CEMIP2: variants seen among roughly 807,000 people sequenced by gnomAD.
CEMIP2 encodes the protein cell surface hyaluronidase CEMIP2.
In CEMIP2, 79 loss-of-function variants were observed where a neutral mutation model predicts 146.9. The observed-to-expected ratio is 0.54, with a 90% CI of 0.45 to 0.65. The LOEUF is 0.65. Among genes scored for constraint, CEMIP2 ranks in the 30% least tolerant of loss-of-function variants. CEMIP2 has a pLI of 0.00. For synonymous variants in CEMIP2, 601 were observed against 606.3 expected (o/e 0.99, Z 0.13); for missense variants, 1,596 against 1,696.2 (o/e 0.94, Z 1.04).
intron 1 of CEMIP2, among the ~76,000 whole-genome samples, chr9:71,756,214 G>GAT (rs1564027735): frequency 7.0e-6 from 1 of 141,986 alleles, no homozygotes; most frequent in African/African-American, 2.6e-5. Context: ...TAGATAGATA[G>GAT]GCTATATATA....
chr9:71,683,710 G>C lies in CEMIP2; in HGVS notation c.*1487C>G, dbSNP rs905835817. On this transcript the variant is annotated 3_prime_UTR_variant, in exon 24 of 24. Coordinates refer to ENST00000377044, the MANE Select transcript of CEMIP2 (RefSeq NM_013390.3). Reference sequence around the variant, plus strand: ...GCACTTACAATTAGAAAGGTTTATCGGTAGCACTTTGAGGTAGCATATTTT... The same window carrying C: ...GCACTTACAATTAGAAAGGTTTATCCGTAGCACTTTGAGGTAGCATATTTT... 6.6e-6 allele frequency: 1 copy of C among 152,230 alleles called. No individual in the cohort carries two copies. Among genetic ancestry groups the C allele is most frequent in the African/African-American group, 2.4e-5 (1 of 41,270 alleles). 9.4% of individuals were successfully genotyped at this position (152,230 alleles called of 1,614,324 possible).
intron 3 of CEMIP2, 71 bp downstream of exon 3, chr9:71,746,130 T>C (rs1382657375): frequency 1.2e-5 from 19 of 1,552,182 alleles, no homozygotes; most frequent in Non-Finnish European, 1.7e-5. Flanking sequence ...GTCTTCTACA[T>C]AAGGAACATC....
intron 19 of CEMIP2, among the ~76,000 whole-genome samples, chr9:71,698,992 C>A: frequency 6.8e-6 from 1 of 146,014 alleles, no homozygotes; most frequent in African/African-American, 2.5e-5. Context: ...AGGTATAAAT[C>A]AGCTCAAATG....
In CEMIP2 at chr9:71,712,078, C is replaced by T; in HGVS notation, c.2769+5G>A. ...CACTACGTAAGAACTACAGAACATA[C>T]TTACATGTGGACCAAACTTCACGAG... is the stretch of plus-strand genomic sequence containing the variant. On this transcript the variant is annotated splice_donor_5th_base_variant and intron_variant, in intron 16 of 23. Transcript: ENST00000377044. 1.2e-6 allele frequency: 2 copies of T among 1,613,562 alleles called. No homozygotes were observed. The highest frequency in any genetic ancestry group is 1.7e-6 in the Non-Finnish European group (2 of 1,179,770).
At position 71,712,224 on chromosome 9, in the gene CEMIP2, C is replaced by A; in HGVS notation, c.2628G>T (p.Gly876=). 6.2e-7 allele frequency: 1 copy of A among 1,614,042 alleles called. No individual in the cohort carries two copies. The highest frequency in any genetic ancestry group is 2.2e-5 in the East Asian group (1 of 44,876). ...FPIRGFQIYD[G]PIHLTRSTFK... Reference sequence around the variant, plus strand: ...AAGTGCTCCTTGTGAGATGAATGGGCCCATCATAAATCTGAAAGCCTCTAA... The same window carrying A: ...AAGTGCTCCTTGTGAGATGAATGGGACCATCATAAATCTGAAAGCCTCTAA... The change falls in exon 16 of 24, where the codon GGG becomes GGT. Residue 876 remains glycine, a synonymous_variant. Transcript: ENST00000377044.
chr9:71,703,551 G>C (rs1235239056), intron 18 of CEMIP2, among the ~76,000 whole-genome samples: 1 of 152,126 alleles, frequency 6.6e-6, no homozygotes, highest in Non-Finnish European at 1.5e-5. Flanking sequence ...ACAAGTCAGG[G>C]CTTGATGACG....
In CEMIP2 at chr9:71,698,037, T is replaced by C. The variant is rs1822450184; in HGVS notation, c.3545A>G (p.Lys1182Arg). 3 of 1,614,090 alleles carry C rather than the reference T, an allele frequency of 1.9e-6. No homozygotes were observed. Among genetic ancestry groups the C allele is most frequent in the African/African-American group, 2.7e-5 (2 of 74,936 alleles). The change falls in exon 20 of 24, where the codon AAG (lysine) becomes AGG (arginine). Residue 1182 changes from lysine (K) to arginine (R), a missense_variant. Transcript: ENST00000377044. ...PQYYRKPSVV[K>R]RMPAMLTGLC... ...TCCAGTGAGCATGGCCGGCATCCGC[T>C]TGACCACTGACGGCTTTCTGTAGTA... is the stretch of plus-strand genomic sequence containing the variant.
At chr9:71,735,342 C>T (rs911120071) in intron 5 of CEMIP2, among the ~76,000 whole-genome samples, 2 of 152,008 alleles carry the variant, frequency 1.3e-5, no homozygotes, top group East Asian at 1.9e-4. Context: ...ATACTGACCC[C>T]AAACCATCCT....
intron 16 of CEMIP2, among the ~76,000 whole-genome samples, chr9:71,710,731 C>G (rs1822881424): frequency 6.6e-6 from 1 of 152,142 alleles, no homozygotes; most frequent in Non-Finnish European, 1.5e-5. Context: ...AGTAAGGAAA[C>G]AGCAAGTCTC....
intron 21 of CEMIP2, among the ~76,000 whole-genome samples, chr9:71,692,522 G>A (rs1347741626): frequency 6.6e-6 from 1 of 151,998 alleles, no homozygotes; most frequent in East Asian, 1.9e-4. Context: ...TTCAGATGCT[G>A]AGCTAGCAAA....
At chr9:71,729,470 T>C (rs1823547308) in intron 10 of CEMIP2, among the ~76,000 whole-genome samples, 1 of 151,648 alleles carries the variant, frequency 6.6e-6, no homozygotes, top group African/African-American at 2.4e-5. Context: ...ATACAGAAAA[T>C]TAGCTGGGCG....
At chr9:71,715,390 C>T (rs1589140685) in intron 14 of CEMIP2, among the ~76,000 whole-genome samples, 1 of 151,086 alleles carries the variant, frequency 6.6e-6, no homozygotes, top group African/African-American at 2.4e-5. Context: ...ACCACACATG[C>T]GTGCCACCAT....
intron 17 of CEMIP2, 36 bp downstream of exon 17, chr9:71,709,223 G>C: frequency 6.3e-7 from 1 of 1,598,724 alleles, no homozygotes. Context: ...GCAGGAGCTG[G>C]TAGGAACTTG....
At position 71,745,501 on chromosome 9, in the gene CEMIP2, C is replaced by T; in HGVS notation, c.551G>A (p.Gly184Asp). Residue 184 changes from glycine to aspartate, a missense_variant, in exon 4 of 24, where the codon GGT becomes GAT. Coordinates refer to ENST00000377044, the MANE Select transcript of CEMIP2 (RefSeq NM_013390.3). ...TTCTGCTCCAATATGAAGCGCCCCACCATCCTGGATCAGGATGTAATGAGT... is the reference window on the plus strand; with the variant it reads ...TTCTGCTCCAATATGAAGCGCCCCATCATCCTGGATCAGGATGTAATGAGT... ...LRTHYILIQDGGALHIGAEKC... is the reference protein window; with the variant it reads ...LRTHYILIQDDGALHIGAEKC... 1 of 1,613,886 alleles carries T rather than the reference C, an allele frequency of 6.2e-7. No homozygotes were observed. Among genetic ancestry groups the T allele is most frequent in the Middle Eastern group, 1.6e-4 (1 of 6,062 alleles).
intron 15 of CEMIP2, among the ~76,000 whole-genome samples, chr9:71,714,215 G>A (rs1822985280): frequency 2.0e-5 from 3 of 152,180 alleles, no homozygotes; most frequent in Non-Finnish European, 4.4e-5. Flanking sequence ...TCAGATGTGA[G>A]GCCTAAAAAC....
chr9:71,699,714 C>A (rs1822504777), intron 19 of CEMIP2, among the ~76,000 whole-genome samples: 1 of 152,150 alleles, frequency 6.6e-6, no homozygotes, highest in Non-Finnish European at 1.5e-5. Context: ...ACCATGCCCC[C>A]ATGCATTTGT....
rs1265553508 is a variant in CEMIP2 at position 71,709,425 on chromosome 9, C to A, written c.2819G>T (p.Cys940Phe). Residue 940 changes from cysteine to phenylalanine, a missense_variant, in exon 17 of 24, where the codon TGT becomes TTT. By Grantham distance (205) the Cys-to-Phe change is radical. Coordinates refer to ENST00000377044, the MANE Select transcript of CEMIP2 (RefSeq NM_013390.3). ...FGKPGPWFEDCEMDGDKNSIF... is the reference protein window; with the variant it reads ...FGKPGPWFEDFEMDGDKNSIF... ...GGAGTTCTTATCACCATCCATCTCA[C>A]AATCTTCAAACCAGGGACCAGGCTT... The A allele has an allele frequency of 6.2e-7, 1 of 1,614,058 alleles. No individual in the cohort carries two copies. The highest frequency in any genetic ancestry group is 8.5e-7 in the Non-Finnish European group (1 of 1,180,032).
Position 71,745,083 on chromosome 9 carries a change from T to A in CEMIP2, c.969A>T (p.Leu323Phe). The A allele has an allele frequency of 3.7e-6, 6 of 1,614,162 alleles. No homozygotes were observed. Among genetic ancestry groups the A allele is most frequent in the Non-Finnish European group, 5.1e-6 (6 of 1,180,004 alleles). Residue 323 changes from leucine to phenylalanine, a missense_variant, in exon 4 of 24, where the codon TTA (leucine) becomes TTT (phenylalanine). By Grantham distance (22) the Leu-to-Phe change is conservative. Coordinates refer to ENST00000377044, the MANE Select transcript of CEMIP2 (RefSeq NM_013390.3). ...CCTGGATCATCTGGATGGTTCCTTGTAAGAGACTTTTAGCGGCTGAATCCC... is the reference window on the plus strand; with the variant it reads ...CCTGGATCATCTGGATGGTTCCTTGAAAGAGACTTTTAGCGGCTGAATCCC... ...AVGDSAAKSL[L>F]QGTIQMIQER...
At chr9:71,722,127 A>C (rs1339420601) in intron 12 of CEMIP2, among the ~76,000 whole-genome samples, 1 of 152,220 alleles carries the variant, frequency 6.6e-6, no homozygotes, top group Non-Finnish European at 1.5e-5. Flanking sequence ...TGCACACCAA[A>C]TTTGGAAACT....
Sources: allele counts gnomAD v4.1 joint callset (sites outside exome capture counted in the v4.1 genomes callset), GRCh38; gene constraint gnomAD v4.1.1; transcripts MANE v1.5; gene names NCBI Gene and HGNC (gene_info 2026-07-23, HGNC 2026-07-21).